The following REDIC1 variants were observed in gnomAD, a reference collection of about 807,000 sequenced individuals.
REDIC1 encodes HEI10 Interacting Protein 1.
the REDIC1 span, among the ~76,000 whole-genome samples, chr12:39,871,557 C>T: frequency 6.6e-6 from 1 of 152,020 alleles, no homozygotes; most frequent in Non-Finnish European, 1.5e-5. Flanking sequence ...AAATGTTACC[C>T]TCAGTAGATC....
chr12:39,663,612 T>G, the REDIC1 span, among the ~76,000 whole-genome samples: 1 of 152,224 alleles, frequency 6.6e-6, no homozygotes, highest in East Asian at 1.9e-4. Context: ...GACTGATTTC[T>G]GTCATGTTAT....
the REDIC1 span, among the ~76,000 whole-genome samples, chr12:39,795,986 A>G: frequency 1.3e-5 from 2 of 152,108 alleles, no homozygotes; most frequent in South Asian, 4.1e-4. Context: ...TAATTTTAGA[A>G]CATTTTCATC....
the REDIC1 span, among the ~76,000 whole-genome samples, chr12:39,664,907 C>A: frequency 6.6e-6 from 1 of 151,884 alleles, no homozygotes; most frequent in African/African-American, 2.4e-5. Context: ...TCCTTTGCCC[C>A]CTTTTTGATG....
the REDIC1 span, among the ~76,000 whole-genome samples, chr12:39,715,597 G>A: frequency 2.6e-5 from 4 of 151,954 alleles, no homozygotes; most frequent in East Asian, 3.9e-4. Flanking sequence ...GTATGGAACC[G>A]AAAAAGAGCC....
At chr12:39,749,800 G>T in the REDIC1 span, among the ~76,000 whole-genome samples, 1 of 152,122 alleles carries the variant, frequency 6.6e-6, no homozygotes, top group African/African-American at 2.4e-5. Context: ...CATATAAACA[G>T]AACCAAAGAC....
At chr12:39,885,895 T>A in the REDIC1 span, among the ~76,000 whole-genome samples, 1 of 152,186 alleles carries the variant, frequency 6.6e-6, no homozygotes, top group Middle Eastern at 3.2e-3. Flanking sequence ...ACGTATTTGG[T>A]TCAACAACAC....
At chr12:39,838,276 G>T in the REDIC1 span, among the ~76,000 whole-genome samples, 1 of 148,198 alleles carries the variant, frequency 6.7e-6, no homozygotes, top group Non-Finnish European at 1.5e-5. Context: ...TCACTCGTAG[G>T]TGGGAACTGA....
the REDIC1 span, among the ~76,000 whole-genome samples, chr12:39,822,228 C>T: frequency 1.3e-5 from 2 of 151,968 alleles, no homozygotes; most frequent in African/African-American, 4.8e-5. Flanking sequence ...GATAACGTTT[C>T]CTGCCCAAGT....
the REDIC1 span, among the ~76,000 whole-genome samples, chr12:39,791,365 TCTG>T: frequency 1.6e-5 from 1 of 63,698 alleles, no homozygotes; most frequent in African/African-American, 6.1e-5. Flanking sequence ...TGTTGGAAGT[TCTG>T]GCCAGGGCAA....
chr12:39,631,846 T>C, the REDIC1 span, among the ~76,000 whole-genome samples: 2 of 152,250 alleles, frequency 1.3e-5, no homozygotes. Context: ...AATTTAAATA[T>C]AAGGAATCAA....
the REDIC1 span, among the ~76,000 whole-genome samples, chr12:39,770,436 T>C: frequency 6.6e-6 from 1 of 152,154 alleles, no homozygotes; most frequent in Non-Finnish European, 1.5e-5. Flanking sequence ...CCATATTCAT[T>C]CAAAAGCTTA....
At chr12:39,832,206 A>G in the REDIC1 span, among the ~76,000 whole-genome samples, 3 of 152,176 alleles carry the variant, frequency 2.0e-5, no homozygotes, top group Admixed American at 2.0e-4. Context: ...AAGTACACTG[A>G]GTGTCTGGCT....
At chr12:39,661,442 C>T in the REDIC1 span, among the ~76,000 whole-genome samples, 5 of 151,860 alleles carry the variant, frequency 3.3e-5, no homozygotes, top group African/African-American at 7.3e-5. Context: ...ACCTTTTGGG[C>T]ATTTGTATGT....
At chr12:39,664,272 G>C in the REDIC1 span, among the ~76,000 whole-genome samples, 4 of 142,310 alleles carry the variant, frequency 2.8e-5, no homozygotes, top group Admixed American at 2.2e-4. Context: ...TCCCCTTCCT[G>C]TGTCCATGTG....
chr12:39,882,090 C>G, the REDIC1 span, among the ~76,000 whole-genome samples: 1 of 152,122 alleles, frequency 6.6e-6, no homozygotes, highest in South Asian at 2.1e-4. Context: ...AGACTTTATT[C>G]CAGACACTGC....
the REDIC1 span, among the ~76,000 whole-genome samples, chr12:39,748,796 G>GA: frequency 6.6e-6 from 1 of 152,180 alleles, no homozygotes; most frequent in Non-Finnish European, 1.5e-5. Flanking sequence ...CATGGAAACT[G>GA]AACACCCTGC....
the REDIC1 span, chr12:39,682,823 T>C: frequency 3.7e-6 from 6 of 1,611,814 alleles, no homozygotes; most frequent in African/African-American, 8.0e-5. Flanking sequence ...GACTCTTTTG[T>C]TAGTCAAAAT....
the REDIC1 span, among the ~76,000 whole-genome samples, chr12:39,642,172 G>A: frequency 6.6e-6 from 1 of 151,802 alleles, no homozygotes; most frequent in Non-Finnish European, 1.5e-5. Context: ...ATTGAGCTTA[G>A]TCTTGTCAAG....
chr12:39,790,052 A>G, the REDIC1 span, among the ~76,000 whole-genome samples: 6 of 151,926 alleles, frequency 3.9e-5, no homozygotes, highest in Non-Finnish European at 8.8e-5. Context: ...ATTTAACCCA[A>G]TATATCCTAA....
Sources: gnomAD v4.1 joint callset for allele counts (sites outside exome capture counted in the v4.1 genomes callset) on GRCh38, gnomAD v4.1.1 for gene constraint, MANE v1.5 for transcripts, NCBI Gene and HGNC (gene_info 2026-07-23, HGNC 2026-07-21) for gene names.